PIP5KL1: variants seen among roughly 807,000 people sequenced by gnomAD.
The protein encoded by PIP5KL1 is phosphatidylinositol-4-phosphate 5-kinase like 1.
PIP5KL1 carries 45 observed loss-of-function variants against 47.6 expected under a neutral mutation model. The observed-to-expected ratio is 0.94, with a 90% CI of 0.74 to 1.21. PIP5KL1 has a LOEUF of 1.21. PIP5KL1 is among the 50% of genes most tolerant of loss of function. The pLI is 0.00. For missense variants in PIP5KL1, 577 were observed against 547.6 expected, an observed-to-expected ratio of 1.05 and a Z score of -0.54; for synonymous variants, 256 against 234.6, an observed-to-expected ratio of 1.09 and a Z score of -0.84.
Position 127,927,834 on chromosome 9 carries a change from C to A in PIP5KL1, c.435-62G>T. The stretch of plus-strand genomic sequence containing the variant: ...GGCTGGAGCGGCTCCCACCCGGCCC[C>A]CTTCCCCGACCTGTGCACGTGGATC... On this transcript the variant is annotated intron_variant, in intron 4 of 9. Coordinates refer to ENST00000388747, the MANE Select transcript of PIP5KL1 (RefSeq NM_001135219.2). This position sits in a 1 kb window ranked among gnomAD's most constrained non-coding sequence, Gnocchi z 5.5. 2 of 1,518,888 alleles carry A rather than the reference C, an allele frequency of 1.3e-6. No individual in the cohort carries two copies. The highest frequency in any genetic ancestry group is 8.8e-7 in the Non-Finnish European group (1 of 1,139,500). 94.1% of individuals were successfully genotyped at this position (1,518,888 alleles called of 1,614,324 possible).
rs967074915 is a variant in PIP5KL1, at chr9:127,928,356, T to C, written c.279+77A>G. ...CTCAGGGACAAGCCTTCACTCCCAC[T>C]GCACAGATGGGAAAACTGCAGAGGA... On this transcript the variant is annotated intron_variant, in intron 3 of 9. Transcript: ENST00000388747. The C allele has an allele frequency of 2.4e-5, 37 of 1,542,428 alleles. No homozygotes were observed. In the Admixed American group the frequency reaches 5.4e-4, roughly 23 times the overall value.
intron 9 of PIP5KL1, among the ~76,000 whole-genome samples, chr9:127,924,389 C>A (rs1831329246): frequency 6.6e-6 from 1 of 151,328 alleles, no homozygotes; most frequent in African/African-American, 2.4e-5. Context: ...ACTCAGGAGG[C>A]TGAGGCAGGA....
Position 127,929,913 on chromosome 9 carries a change from C to A in PIP5KL1, c.31-28G>T. 2 of 1,475,458 alleles carry A rather than the reference C, an allele frequency of 1.4e-6. No individual in the cohort carries two copies. Among genetic ancestry groups the A allele is most frequent in the Non-Finnish European group, 1.8e-6 (2 of 1,108,170 alleles). The allele number at this position is 1,475,458 out of a possible 1,614,324, so 91.4% of individuals were successfully genotyped here. On this transcript the variant is annotated intron_variant, in intron 1 of 9. Coordinates refer to ENST00000388747, the MANE Select transcript of PIP5KL1 (RefSeq NM_001135219.2). The surrounding 1 kb of genome is among the most constrained non-coding windows in gnomAD (Gnocchi z 4.0). ...GGTGGGAGGAGGCACAGGACACAGC[C>A]TGTGGCAGCGTCACAGAGGAAAAAG...
In PIP5KL1 at chr9:127,930,742, G is replaced by T; in HGVS notation, c.11C>A (p.Pro4Gln). The stretch of plus-strand genomic sequence containing the variant: ...ACCTACCTCGCGGGGCCCCGGGCTC[G>T]GCGCAGCCATCGCCCCCGCAGCAGC... MAA[P>Q]SPGPREVLAP... The change falls in exon 1 of 10, where the codon CCG becomes CAG. Residue 4 changes from proline to glutamine, a missense_variant. Pro to Gln is a moderately conservative substitution (Grantham distance 76, BLOSUM62 -1). Transcript: ENST00000388747. The T allele has an allele frequency of 6.4e-7, 1 of 1,561,008 alleles. No individual in the cohort carries two copies. Among genetic ancestry groups the T allele is most frequent in the South Asian group, 1.2e-5 (1 of 84,022 alleles).
rs1397209063 is a variant in PIP5KL1, at chr9:127,927,959, GC to G, written c.434+105del. 3.9e-5 allele frequency: 57 copies of G among 1,446,058 alleles called. No homozygotes were observed. The Middle Eastern group carries it at 1.1e-3, about 27-fold the overall frequency. The allele number at this position is 1,446,058 out of a possible 1,614,324, so 89.6% of individuals were successfully genotyped here. The stretch of plus-strand genomic sequence containing the variant: ...CCGGCCCTGACCCTCCCAGATTAGG[GC>G]CGCTCTGTTTCTCTCTTCAGGGGGC... On this transcript the variant is annotated intron_variant, in intron 4 of 9. Coordinates refer to ENST00000388747, the MANE Select transcript of PIP5KL1 (RefSeq NM_001135219.2). This position sits in a 1 kb window ranked among gnomAD's most constrained non-coding sequence, Gnocchi z 5.5.
At chr9:127,926,873 TCTC>T (rs937847339) in intron 7 of PIP5KL1, among the ~76,000 whole-genome samples, 9 of 152,194 alleles carry the variant, frequency 5.9e-5, no homozygotes, top group Admixed American at 5.2e-4. Context: ...TGTGTGGCCT[TCTC>T]CTTCCTCGGT....
Position 127,928,496 on chromosome 9 carries a change from G to A in PIP5KL1, c.229-13C>T, listed in dbSNP as rs769037769. The A allele has an allele frequency of 1.3e-6, 2 of 1,583,126 alleles. No homozygotes were observed. Among genetic ancestry groups the A allele is most frequent in the Admixed American group, 1.8e-5 (1 of 56,034 alleles). On this transcript the variant is annotated splice_polypyrimidine_tract_variant and intron_variant, in intron 2 of 9. Coordinates refer to ENST00000388747, the MANE Select transcript of PIP5KL1 (RefSeq NM_001135219.2). The stretch of plus-strand genomic sequence containing the variant: ...GGGAGGGCGGCCCCTGCAGGGAGAG[G>A]TAGAGGAGCTCAGGGCAACCCTCAG...
In PIP5KL1 at chr9:127,930,494, G is replaced by C. The variant is rs575153572; in HGVS notation, c.30+229C>G. On this transcript the variant is annotated intron_variant, in intron 1 of 9. Transcript: ENST00000388747. ...ACAGCTCCCTGAAGGAGGAGCTTTA[G>C]CATCCTCTCCATTTTCCCAATGAGA... Among the ~76,000 whole-genome samples, 5 of 152,352 alleles carry C rather than the reference G, an allele frequency of 3.3e-5. No homozygotes were observed. In the South Asian group the frequency reaches 1.0e-3, roughly 32 times the overall value.
intron 9 of PIP5KL1, among the ~76,000 whole-genome samples, chr9:127,922,979 A>G (rs1831310339): frequency 6.6e-6 from 1 of 152,222 alleles, no homozygotes; most frequent in Non-Finnish European, 1.5e-5. Flanking sequence ...CCTTGGTGCC[A>G]CATGACTTCA....
Position 127,927,137 on chromosome 9 carries a change from T to G in PIP5KL1, c.650+16A>C, listed in dbSNP as rs1716887237. 6.3e-7 allele frequency: 1 copy of G among 1,598,132 alleles called. No individual in the cohort carries two copies. Among genetic ancestry groups the G allele is most frequent in the Non-Finnish European group, 8.6e-7 (1 of 1,169,116 alleles). On this transcript the variant is annotated intron_variant, in intron 7 of 9. Transcript: ENST00000388747. The surrounding 1 kb of genome is among the most constrained non-coding windows in gnomAD (Gnocchi z 5.5). ...TTCGGCTGGGATGGGGGCCCAAACC[T>G]GCTTAGGCCACTCACCTCTCGGAGA...
intron 9 of PIP5KL1, among the ~76,000 whole-genome samples, chr9:127,922,821 G>C (rs1296309063): frequency 6.6e-6 from 1 of 151,982 alleles, no homozygotes; most frequent in East Asian, 1.9e-4. Flanking sequence ...TGGATGTATT[G>C]AGTAAATGAA....
Position 127,930,733 on chromosome 9 carries a change from C to T in PIP5KL1, c.20G>A (p.Gly7Glu). The T allele has an allele frequency of 6.4e-7, 1 of 1,568,462 alleles. No individual in the cohort carries two copies. Reference protein sequence around the residue: MAAPSPGPREVLAPSPE... With the variant: MAAPSPEPREVLAPSPE... ...CGGGTCCGCACCTACCTCGCGGGGC[C>T]CCGGGCTCGGCGCAGCCATCGCCCC... The change falls in exon 1 of 10, where the codon GGG becomes GAG. Residue 7 changes from glycine to glutamate, a missense_variant. Transcript: ENST00000388747.
intron 8 of PIP5KL1, chr9:127,925,641 T>G (rs1057203802): frequency 7.2e-5 from 39 of 540,876 alleles, no homozygotes; most frequent in Non-Finnish European, 1.1e-4. Flanking sequence ...AATTTGTGTG[T>G]TTTTCGTAGA....
chr9:127,921,155 G>A lies in PIP5KL1; in HGVS notation c.*692C>T, dbSNP rs774438670. On this transcript the variant is annotated 3_prime_UTR_variant, in exon 10 of 10. Transcript: ENST00000388747. ...TGTCTGTGAAGCCAAGACCTTGGTC[G>A]GACCACGGACCCTTGCCCCCATTTA... 1.8e-4 allele frequency: 28 copies of A among 152,400 alleles called. No homozygotes were observed. The highest frequency in any genetic ancestry group is 6.0e-4 in the African/African-American group (25 of 41,564). 9.4% of individuals were successfully genotyped at this position (152,400 alleles called of 1,614,324 possible).
Position 127,925,138 on chromosome 9 carries a change from G to C in PIP5KL1, c.886C>G (p.Pro296Ala). The C allele has an allele frequency of 1.2e-6, 2 of 1,614,146 alleles. No homozygotes were observed. The highest frequency in any genetic ancestry group is 1.7e-6 in the Non-Finnish European group (2 of 1,180,040). ...GTGCGGAAGATGAGGCTGCTGCCCG[G>C]GCCCCTCTCATCCTCGTGGAGACGT... ...FQRLHEDERG[P>A]GSSLIFRTAR... The change falls in exon 9 of 10, where the codon CCG becomes GCG. Residue 296 changes from proline (P) to alanine (A), a missense_variant. Transcript: ENST00000388747.
intron 9 of PIP5KL1, among the ~76,000 whole-genome samples, chr9:127,922,732 G>GAA (rs1831306153): frequency 7.1e-6 from 1 of 140,752 alleles, no homozygotes; most frequent in Admixed American, 7.1e-5. Context: ...AAAGAAAAAA[G>GAA]AAAAGAAAAG....
At chr9:127,928,397 A>C (rs370963702) in intron 3 of PIP5KL1, 36 bp downstream of exon 3, 25 of 1,580,426 alleles carry the variant, frequency 1.6e-5, no homozygotes, top group East Asian at 4.6e-5. Context: ...CAAGACCAGC[A>C]CACGTCCCTC....
rs773532793 is a variant in PIP5KL1 at position 127,922,023 on chromosome 9, C to T, written c.1009G>A (p.Gly337Arg). Residue 337 changes from glycine (G) to arginine (R), a missense_variant, in exon 10 of 10, where the codon GGG (glycine) becomes AGG (arginine). Coordinates refer to ENST00000388747, the MANE Select transcript of PIP5KL1 (RefSeq NM_001135219.2). ...CCCAGGAAATAGCGCTGCTCGGGCC[C>T]GTCCAGGATGTGTAGGGCGTTGGGG... ...DAPNALHILD[G>R]PEQRYFLGVV... 1.0e-5 allele frequency: 16 copies of T among 1,575,086 alleles called. No individual in the cohort carries two copies. The highest frequency in any genetic ancestry group is 1.7e-4 in the Middle Eastern group (1 of 6,038).
At chr9:127,922,192 C>G in intron 9 of PIP5KL1, 78 bp from the exon 10 acceptor site, 1 of 1,424,152 alleles carries the variant, frequency 7.0e-7, no homozygotes, top group Non-Finnish European at 9.2e-7. Context: ...CCTGGCCAGG[C>G]TGCCCACCCC....
Sources: allele counts gnomAD v4.1 joint callset (sites outside exome capture counted in the v4.1 genomes callset), GRCh38; gene constraint gnomAD v4.1.1; non-coding constraint Gnocchi (gnomAD v3.1); transcripts MANE v1.5; gene names NCBI Gene and HGNC (gene_info 2026-07-23, HGNC 2026-07-21).